Variants in MSH6 observed in about 807,000 individuals in gnomAD.
MSH6 encodes the protein DNA mismatch repair protein Msh6.
In MSH6, 85 loss-of-function variants were observed where a neutral mutation model predicts 119.1. The ratio of observed to expected loss-of-function variants is 0.71; its 90% CI spans 0.60 to 0.85. The LOEUF (loss-of-function observed/expected upper bound fraction) is 0.85, where lower values mean the gene tolerates loss of function less well. Ranked by LOEUF, MSH6 falls within the 40% of genes least tolerant of loss-of-function variation. The probability of loss-of-function intolerance (pLI) is 0.00; values close to 1 mark genes in which losing one functional copy is unlikely to be tolerated. For synonymous variants in MSH6, 830 were observed against 586.9 expected, an observed-to-expected ratio of 1.41 and a Z score of -5.99; for missense variants, 2,163 against 1,655.3, an observed-to-expected ratio of 1.31 and a Z score of -5.32.
rs3136324 is a variant in MSH6 at position 47,797,185 on chromosome 2, G to T, written c.627+1122G>T. Among the ~76,000 whole-genome samples, 624 of 152,218 alleles carry T rather than the reference G, an allele frequency of 4.1e-3. 4 individuals are homozygous for T. Among genetic ancestry groups the T allele is most frequent in the African/African-American group, 0.015 (607 of 41,530 alleles). ...TGTGTGGCCTAAGACAATTCTTCCAGTGTGGCCCAGGGAAGCTGAAAGATC... is the reference window on the plus strand; with the variant it reads ...TGTGTGGCCTAAGACAATTCTTCCATTGTGGCCCAGGGAAGCTGAAAGATC... On this transcript the variant is annotated intron_variant, in intron 3 of 9. Coordinates refer to ENST00000234420, the MANE Select transcript of MSH6 (RefSeq NM_000179.3).
At chr2:47,795,651 G>A (rs985835454) in intron 2 of MSH6, among the ~76,000 whole-genome samples, 3 of 150,586 alleles carry the variant, frequency 2.0e-5, no homozygotes, top group African/African-American at 7.3e-5. Context: ...TTTTTTTTTT[G>A]GTAGAGATGG....
rs781668793 is a variant in MSH6, at chr2:47,800,019, T to C, written c.2036T>C (p.Leu679Ser). The change falls in exon 4 of 10, where the codon TTG (leucine) becomes TCG (serine). Residue 679 changes from leucine to serine, a missense_variant. Leu to Ser is a moderately radical substitution (Grantham distance 145). Coordinates refer to ENST00000234420, the MANE Select transcript of MSH6 (RefSeq NM_000179.3). ...TTGACACCAGGAGAGAAAAGTGAATTGGCCCTCTCTGCTCTAGGTGGTTGT... is the reference window on the plus strand; with the variant it reads ...TTGACACCAGGAGAGAAAAGTGAATCGGCCCTCTCTGCTCTAGGTGGTTGT... ...IGLTPGEKSE[L>S]ALSALGGCVF... 1.2e-6 allele frequency: 2 copies of C among 1,614,046 alleles called. No homozygotes were observed. Among genetic ancestry groups the C allele is most frequent in the Non-Finnish European group, 8.5e-7 (1 of 1,179,992 alleles).
chr2:47,801,364 T>TTTTTC, intron 4 of MSH6: 1 of 433,264 alleles, frequency 2.3e-6, no homozygotes, highest in Non-Finnish European at 4.0e-6. Flanking sequence ...TTCTTCAGTT[T>TTTTTC]TTTTTTTTTT....
intron 1 of MSH6, among the ~76,000 whole-genome samples, chr2:47,788,902 TCTTCCTTTTTTTTTTTTTTG>T (rs749905739): frequency 0.061 from 4,885 of 79,432 alleles, 372 homozygotes; most frequent in Non-Finnish European, 0.088. Context: ...CTTTCTTTCT[TCTTCCTTTTTTTTTTTTTTG>T]TTTTTTTTTT....
chr2:47,808,522 G>A (rs778296077), downstream of MSH6: 23 of 1,154,874 alleles, frequency 2.0e-5, no homozygotes, highest in Non-Finnish European at 1.1e-5. Context: ...TTGGCTTTAA[G>A]AGGACCAAAA....
In MSH6 at chr2:47,801,083, C is replaced by T. The variant is rs587779930; in HGVS notation, c.3100C>T (p.Arg1034Trp). ...GGATGTATCATTGAAGGACTGCATG[C>T]GGCGACTGTTCTATAACTTTGATAA... ...RRDVSLKDCM[R>W]RLFYNFDKNY... Residue 1034 changes from arginine (R) to tryptophan (W), a missense_variant, in exon 4 of 10, where the codon CGG becomes TGG. Coordinates refer to ENST00000234420, the MANE Select transcript of MSH6 (RefSeq NM_000179.3). The T allele has an allele frequency of 1.4e-5, 22 of 1,610,222 alleles. No homozygotes were observed. The highest frequency in any genetic ancestry group is 1.6e-4 in the Middle Eastern group (1 of 6,064).
At position 47,806,767 on chromosome 2, in the gene MSH6, T is replaced by TTTAA. The variant is rs1312887441; in HGVS notation, c.4002-9_4002-6dup. The TTTAA allele has an allele frequency of 3.2e-6, 5 of 1,585,406 alleles. No homozygotes were observed. The highest frequency in any genetic ancestry group is 4.3e-6 in the Non-Finnish European group (5 of 1,166,732). ...ACAAAAAAACTTTTTTTTTTTTTTT[T>TTTAA]TTAATTTTAAGGGAAGTTTGCCTGG... On this transcript the variant is annotated splice_polypyrimidine_tract_variant and intron_variant, in intron 9 of 9. Coordinates refer to ENST00000234420, the MANE Select transcript of MSH6 (RefSeq NM_000179.3).
intron 1 of MSH6, chr2:47,784,179 C>A (rs1668204206): frequency 1.6e-5 from 16 of 1,003,038 alleles, no homozygotes; most frequent in Non-Finnish European, 1.9e-5. Flanking sequence ...ACCGCGGGGC[C>A]TAATTGGGCG....
intron 5 of MSH6, 39 bp from the exon 6 acceptor site, chr2:47,804,871 C>A: frequency 6.9e-7 from 1 of 1,455,258 alleles, no homozygotes; most frequent in Non-Finnish European, 9.7e-7. Context: ...GAAACTGTTA[C>A]TACCAGTCAT....
chr2:47,809,120 C>CT (rs776693335), downstream of MSH6: 97 of 1,286,640 alleles, frequency 7.5e-5, no homozygotes, highest in Non-Finnish European at 9.8e-5. Flanking sequence ...GGAAATCAGT[C>CT]TTCCTCTTTT....
At chr2:47,797,824 C>G (rs763226444) in intron 3 of MSH6, 1 of 226,512 alleles carries the variant, frequency 4.4e-6, no homozygotes, top group African/African-American at 2.3e-5. Flanking sequence ...AACTGGATCA[C>G]TTTGCCTGTC....
chr2:47,795,337 G>T (rs909094139), intron 2 of MSH6, among the ~76,000 whole-genome samples: 2 of 151,796 alleles, frequency 1.3e-5, no homozygotes, highest in African/African-American at 4.8e-5. Flanking sequence ...AAAAGTAATG[G>T]GGCATAACAA....
rs2104438142 is a variant in MSH6, at chr2:47,801,040, A to G, written c.3057A>G (p.Ile1019Met). 1 of 1,592,952 alleles carries G rather than the reference A, an allele frequency of 6.3e-7. No individual in the cohort carries two copies. The highest frequency in any genetic ancestry group is 8.5e-7 in the Non-Finnish European group (1 of 1,170,066). The part of the protein sequence containing the change: ...KTIEKKLANL[I>M]NAEERRDVSL... ...TTGAAAAGAAGTTGGCTAATCTCATAAATGCTGAAGAACGGAGGGATGTAT... is the reference window on the plus strand; with the variant it reads ...TTGAAAAGAAGTTGGCTAATCTCATGAATGCTGAAGAACGGAGGGATGTAT... Residue 1019 changes from isoleucine to methionine, a missense_variant, in exon 4 of 10, where the codon ATA becomes ATG. By Grantham distance (10) the Ile-to-Met change is conservative. Transcript: ENST00000234420.
chr2:47,783,390 GCTGGGC>G lies in MSH6; in HGVS notation c.165_170del (p.Gly56_Pro57del). The G allele has an allele frequency of 6.3e-7, 1 of 1,579,184 alleles. No individual in the cohort carries two copies. Among genetic ancestry groups the G allele is most frequent in the Non-Finnish European group, 8.6e-7 (1 of 1,162,400 alleles). On this transcript the variant is annotated inframe_deletion, in exon 1 of 10. Transcript: ENST00000234420. The stretch of plus-strand genomic sequence containing the variant: ...AGGCGGGGATGCGGCCTGGAGCGAG[GCTGGGC>G]CTGGGCCCAGGCCCTTGGCGCGCTC...
At chr2:47,791,797 C>A (rs1230353253) in intron 2 of MSH6, among the ~76,000 whole-genome samples, 1 of 151,456 alleles carries the variant, frequency 6.6e-6, no homozygotes, top group Non-Finnish European at 1.5e-5. Flanking sequence ...CTACCTCAGC[C>A]TCCCGAGTAG....
downstream of MSH6, chr2:47,809,310 A>G (rs781195526): frequency 1.1e-4 from 145 of 1,293,356 alleles, no homozygotes; most frequent in Non-Finnish European, 1.5e-4. Flanking sequence ...AGGAATGTTA[A>G]TATTTTAAAA....
In MSH6 at chr2:47,800,548, T is replaced by A. The variant is rs1064793456; in HGVS notation, c.2565T>A (p.Ile855=). ...AAACTACATACAGCAAGAAGAAGAT[T>A]ATTGATTTTCTTTCTGCTCTGGAAG... The part of the protein sequence containing the change: ...YEETTYSKKK[I]IDFLSALEGF... Residue 855 remains isoleucine, a synonymous_variant, in exon 4 of 10, where the codon ATT becomes ATA. Coordinates refer to ENST00000234420, the MANE Select transcript of MSH6 (RefSeq NM_000179.3). 1.9e-6 allele frequency: 3 copies of A among 1,613,674 alleles called. No individual in the cohort carries two copies. The highest frequency in any genetic ancestry group is 2.2e-5 in the South Asian group (2 of 91,024).
chr2:47,800,407 T>G lies in MSH6; in HGVS notation c.2424T>G (p.Val808=), dbSNP rs770208363. 6 of 1,614,148 alleles carry G rather than the reference T, an allele frequency of 3.7e-6. No homozygotes were observed. Among genetic ancestry groups the G allele is most frequent in the Admixed American group, 1.7e-5 (1 of 60,026 alleles). ...TTGTGCCTGACAAAATCTCCGAAGT[T>G]GTAGAGCTTCTAAAGAAGCTTCCAG... ...LMVVPDKISE[V]VELLKKLPDL... Residue 808 remains valine (V), a synonymous_variant, in exon 4 of 10, where the codon GTT becomes GTG. Transcript: ENST00000234420.
chr2:47,808,778 T>G (rs1339629891), downstream of MSH6: 2 of 266,842 alleles, frequency 7.5e-6, no homozygotes, highest in Non-Finnish European at 1.4e-5. Flanking sequence ...CATCTTTACC[T>G]TGAAATTTCT....
Sources: allele counts gnomAD v4.1 joint callset (sites outside exome capture counted in the v4.1 genomes callset), GRCh38; gene constraint gnomAD v4.1.1; transcripts MANE v1.5; gene names NCBI Gene and HGNC (gene_info 2026-07-23, HGNC 2026-07-21).